The following LPCAT2 variants were observed in gnomAD, a reference collection of about 807,000 sequenced individuals.
LPCAT2 encodes lysophosphatidylcholine acyltransferase 2.
In LPCAT2, 58 loss-of-function variants were observed where a neutral mutation model predicts 64.7. The observed-to-expected ratio is 0.90, with a 90% CI of 0.73 to 1.12. LPCAT2 has a LOEUF of 1.12. LPCAT2 is among the 50% of genes most tolerant of loss of function. The pLI is 0.00. For synonymous variants in LPCAT2, 252 were observed against 245.3 expected (o/e 1.03, Z -0.26); for missense variants, 579 against 669.8 (o/e 0.86, Z 1.50).
At chr16:55,560,448 C>T (rs150641263) in intron 11 of LPCAT2, among the ~76,000 whole-genome samples, 77 of 152,140 alleles carry the variant, frequency 5.1e-4, no homozygotes, top group African/African-American at 1.8e-3. Context: ...AGGTTGCAGT[C>T]ACCACACAAT....
chr16:55,549,179 T>C (rs1314879666), intron 9 of LPCAT2, 98 bp from the exon 10 acceptor site: 1 of 944,904 alleles, frequency 1.1e-6, no homozygotes, highest in East Asian at 3.0e-5. Flanking sequence ...AAATACTTTT[T>C]CATTTGCTGT....
chr16:55,583,188 A>G lies in LPCAT2; in HGVS notation c.*90A>G. The G allele has an allele frequency of 2.1e-6, 2 of 956,994 alleles. No individual in the cohort carries two copies. Among genetic ancestry groups the G allele is most frequent in the Non-Finnish European group, 3.0e-6 (2 of 668,780 alleles). The allele number at this position is 956,994 out of a possible 1,614,324, so 59.3% of individuals were successfully genotyped here. On this transcript the variant is annotated 3_prime_UTR_variant, in exon 14 of 14. Transcript: ENST00000262134. ...TAATACTTTTAATGTGTTGGTAATGATGTTTAAAATTGAAAGATTTTTAAA... is the reference window on the plus strand; with the variant it reads ...TAATACTTTTAATGTGTTGGTAATGGTGTTTAAAATTGAAAGATTTTTAAA...
At chr16:55,571,635 T>A (rs565551986) in intron 11 of LPCAT2, among the ~76,000 whole-genome samples, 18 of 152,286 alleles carry the variant, frequency 1.2e-4, no homozygotes, top group African/African-American at 2.9e-4. Flanking sequence ...GATTTTTTTT[T>A]ATTAAGTTTA....
rs1171936277 is a variant in LPCAT2 at position 55,549,403 on chromosome 16, G to T, written c.1061+1G>T. 1 of 1,585,302 alleles carries T rather than the reference G, an allele frequency of 6.3e-7. No homozygotes were observed. Among genetic ancestry groups the T allele is most frequent in the African/African-American group, 1.4e-5 (1 of 72,710 alleles). On this transcript the variant is annotated splice_donor_variant, in intron 10 of 13. Transcript: ENST00000262134. LOFTEE classifies it high-confidence loss of function. ...TTACTAAAATTAGCCGAAAATTGAA[G>T]TAAGTGTATTTTAAAATGACTACAC...
chr16:55,525,652 GA>G lies in LPCAT2; in HGVS notation c.311+8del. The G allele has an allele frequency of 6.3e-7, 1 of 1,590,490 alleles. No individual in the cohort carries two copies. Among genetic ancestry groups the G allele is most frequent in the Non-Finnish European group, 8.5e-7 (1 of 1,170,648 alleles). ...CCCAATAACTGGTTGGAGGAGGTAA[GA>G]AATAATTTTGTCCAAAATATTAGGA... On this transcript the variant is annotated splice_donor_region_variant and intron_variant, in intron 2 of 13. Transcript: ENST00000262134.
intron 11 of LPCAT2, among the ~76,000 whole-genome samples, chr16:55,568,035 T>C (rs1416539595): frequency 6.6e-6 from 1 of 152,170 alleles, no homozygotes; most frequent in Non-Finnish European, 1.5e-5. Flanking sequence ...TATTTAACCA[T>C]AAAGAAACAG....
intron 11 of LPCAT2, among the ~76,000 whole-genome samples, chr16:55,570,604 A>G (rs1313276373): frequency 6.6e-6 from 1 of 152,104 alleles, no homozygotes; most frequent in Non-Finnish European, 1.5e-5. Flanking sequence ...TCTTGAAAAA[A>G]CAATTATTTA....
At chr16:55,564,677 A>G (rs920572433) in intron 11 of LPCAT2, among the ~76,000 whole-genome samples, 1 of 151,984 alleles carries the variant, frequency 6.6e-6, no homozygotes, top group Non-Finnish European at 1.5e-5. Context: ...TAACTTACAC[A>G]TATACAAAAG....
At chr16:55,542,184 T>A (rs1359549826) in intron 8 of LPCAT2, among the ~76,000 whole-genome samples, 1 of 152,114 alleles carries the variant, frequency 6.6e-6, no homozygotes, top group Non-Finnish European at 1.5e-5. Context: ...AAGAATTTTA[T>A]ATATTGCTTG....
intron 3 of LPCAT2, 109 bp downstream of exon 3, chr16:55,528,703 A>T: frequency 1.3e-6 from 1 of 787,462 alleles, no homozygotes; most frequent in Non-Finnish European, 2.0e-6. Flanking sequence ...TAAAATAAAC[A>T]TTTCAAACAT....
At chr16:55,557,189 T>C (rs1277472487) in intron 11 of LPCAT2, among the ~76,000 whole-genome samples, 4 of 152,050 alleles carry the variant, frequency 2.6e-5, no homozygotes, top group Non-Finnish European at 5.9e-5. Flanking sequence ...GGAGAATTAA[T>C]GATTAATGCA....
intron 11 of LPCAT2, among the ~76,000 whole-genome samples, chr16:55,558,646 T>G (rs935343156): frequency 6.6e-6 from 1 of 152,206 alleles, no homozygotes; most frequent in Non-Finnish European, 1.5e-5. Context: ...AAGGACCAGA[T>G]AGAAAATAGT....
At chr16:55,555,361 C>T (rs1963562708) in intron 11 of LPCAT2, among the ~76,000 whole-genome samples, 1 of 152,212 alleles carries the variant, frequency 6.6e-6, no homozygotes, top group Non-Finnish European at 1.5e-5. Context: ...TGACTTTCCT[C>T]ACCAATCCTC....
intron 8 of LPCAT2, chr16:55,542,003 A>T (rs1963403830): frequency 8.7e-7 from 1 of 1,154,212 alleles, no homozygotes; most frequent in African/African-American, 1.6e-5. Context: ...ACAAGGAAAA[A>T]ATAAAAGATT....
chr16:55,570,924 C>T (rs1361966386), intron 11 of LPCAT2, among the ~76,000 whole-genome samples: 7 of 152,102 alleles, frequency 4.6e-5, no homozygotes, highest in African/African-American at 1.7e-4. Flanking sequence ...TATAGAGTAT[C>T]TCTGACGATG....
chr16:55,565,061 ATCT>A lies in LPCAT2; in HGVS notation c.1216-9565_1216-9563del, dbSNP rs375647036. Among the ~76,000 whole-genome samples the A allele has an allele frequency of 1.2e-3, 190 of 152,194 alleles. 6 individuals are homozygous for A. The South Asian group carries it at 0.035, about 28-fold the overall frequency. ...GATTTAAATAGACATTTTTCCAAAGATCTTCTTTGGTCAGTAAGTATTAATACA... is the reference window on the plus strand; with the variant it reads ...GATTTAAATAGACATTTTTCCAAAGATCTTTGGTCAGTAAGTATTAATACA... On this transcript the variant is annotated intron_variant, in intron 11 of 13. Transcript: ENST00000262134.
At chr16:55,566,222 T>A (rs1023724854) in intron 11 of LPCAT2, among the ~76,000 whole-genome samples, 1 of 152,166 alleles carries the variant, frequency 6.6e-6, no homozygotes, top group African/African-American at 2.4e-5. Context: ...ATTTTAAAAA[T>A]CTCCCTTCTA....
At chr16:55,536,287 A>G (rs1432737056) in intron 7 of LPCAT2, among the ~76,000 whole-genome samples, 2 of 152,216 alleles carry the variant, frequency 1.3e-5, no homozygotes, top group African/African-American at 4.8e-5. Context: ...TATCAGACTA[A>G]GAAGTATTTG....
chr16:55,520,030 A>G (rs545380469), intron 1 of LPCAT2, among the ~76,000 whole-genome samples: 1 of 152,216 alleles, frequency 6.6e-6, no homozygotes, highest in East Asian at 1.9e-4. Flanking sequence ...ATAGCAAAAC[A>G]ATAGATTTAT....
Sources: gnomAD v4.1 joint callset for allele counts (sites outside exome capture counted in the v4.1 genomes callset) on GRCh38, gnomAD v4.1.1 for gene constraint, MANE v1.5 for transcripts, NCBI Gene and HGNC (gene_info 2026-07-23, HGNC 2026-07-21) for gene names.